Variants in DCP2 observed in about 807,000 individuals in gnomAD.
DCP2 encodes m7GpppN-mRNA hydrolase.
DCP2 carries 30 observed loss-of-function variants against 56.1 expected under a neutral mutation model. The observed-to-expected ratio is 0.53, with a 90% CI of 0.40 to 0.73. The LOEUF (loss-of-function observed/expected upper bound fraction) is 0.73. Ranked by LOEUF, DCP2 falls within the 30% of genes least tolerant of loss-of-function variation. The probability of loss-of-function intolerance (pLI) is 0.00; values close to 1 mark genes in which losing one functional copy is unlikely to be tolerated. For missense variants in DCP2, 533 were observed against 502.7 expected, an observed-to-expected ratio of 1.06 and a Z score of -0.58; for synonymous variants, 197 against 163.3, an observed-to-expected ratio of 1.21 and a Z score of -1.57.
At chr5:112,978,575 A>G (rs1747839675) in intron 1 of DCP2, among the ~76,000 whole-genome samples, 1 of 152,306 alleles carries the variant, frequency 6.6e-6, no homozygotes, top group South Asian at 2.1e-4. Flanking sequence ...TAATTTTGCA[A>G]CTAATACAAA....
intron 8 of DCP2, among the ~76,000 whole-genome samples, chr5:113,007,384 C>G (rs1287304563): frequency 6.9e-6 from 1 of 145,682 alleles, no homozygotes; most frequent in African/African-American, 2.6e-5. Flanking sequence ...AGATTTCTTT[C>G]TTTCTTTCTT....
chr5:113,004,459 C>G (rs958064993), intron 8 of DCP2, among the ~76,000 whole-genome samples: 1 of 152,208 alleles, frequency 6.6e-6, no homozygotes, highest in African/African-American at 2.4e-5. Context: ...TATAATTACA[C>G]TGCTATTAAT....
Position 113,014,785 on chromosome 5 carries a change from G to T in DCP2, c.*1301G>T, listed in dbSNP as rs1294539819. The T allele has an allele frequency of 6.6e-6, 1 of 152,518 alleles. No individual in the cohort carries two copies. The highest frequency in any genetic ancestry group is 1.5e-5 in the Non-Finnish European group (1 of 68,004). 9.4% of individuals were successfully genotyped at this position (152,518 alleles called of 1,614,324 possible). A position where few individuals can be genotyped will look rare whatever the true frequency, so the allele number is the denominator to read the frequency against. ...GTGTGTGTGTGTAACTATCATGTGG[G>T]TTTTAAAAATCCTTTTTTACAGTGG... On this transcript the variant is annotated 3_prime_UTR_variant, in exon 11 of 11. Coordinates refer to ENST00000389063, the MANE Select transcript of DCP2 (RefSeq NM_152624.6).
chr5:112,977,363 C>G (rs992348324), intron 1 of DCP2, among the ~76,000 whole-genome samples: 3 of 152,188 alleles, frequency 2.0e-5, no homozygotes, highest in Admixed American at 2.0e-4. Context: ...GCCGTGCACC[C>G]CCTCCTCCCT....
intron 2 of DCP2, among the ~76,000 whole-genome samples, chr5:112,991,350 G>A (rs1214011338): frequency 2.0e-5 from 3 of 152,104 alleles, no homozygotes; most frequent in Non-Finnish European, 2.9e-5. Flanking sequence ...TGGGGCATTC[G>A]ATAGCATGGA....
At chr5:113,002,832 C>G (rs557861568) in intron 7 of DCP2, among the ~76,000 whole-genome samples, 2 of 152,154 alleles carry the variant, frequency 1.3e-5, no homozygotes, top group Non-Finnish European at 2.9e-5. Flanking sequence ...CTCTGGCTTA[C>G]AACTTAATTG....
chr5:113,016,674 G>A lies in DCP2; in HGVS notation c.*3190G>A, dbSNP rs1381513596. The A allele has an allele frequency of 6.6e-6, 1 of 152,004 alleles. No homozygotes were observed. Among genetic ancestry groups the A allele is most frequent in the African/African-American group, 2.4e-5 (1 of 41,384 alleles). The allele number at this position is 152,004 out of a possible 1,614,324, so 9.4% of individuals were successfully genotyped here. On this transcript the variant is annotated 3_prime_UTR_variant, in exon 11 of 11. Transcript: ENST00000389063. The stretch of plus-strand genomic sequence containing the variant: ...ATATTGTATCCTATAGAAAAGTTAA[G>A]GTCTGAGTGCATGTGTGCATTAAAA...
chr5:113,001,711 T>TAGTTTTTAAA (rs1403276879), intron 7 of DCP2, 37 bp downstream of exon 7: 1 of 1,576,176 alleles, frequency 6.3e-7, no homozygotes, highest in Non-Finnish European at 8.7e-7. Flanking sequence ...GATTTTCTAA[T>TAGTTTTTAAA]AGTTTTTAAA....
At chr5:112,987,006 G>C (rs1236226002) in intron 2 of DCP2, among the ~76,000 whole-genome samples, 2 of 152,088 alleles carry the variant, frequency 1.3e-5, no homozygotes, top group Non-Finnish European at 2.9e-5. Context: ...CCGTCTCAAA[G>C]AGAAAAAAGT....
chr5:113,005,151 G>GGTGGGT (rs1554101206), intron 8 of DCP2, among the ~76,000 whole-genome samples: 9 of 149,420 alleles, frequency 6.0e-5, no homozygotes, highest in Admixed American at 2.0e-4. Context: ...TGTGCGTGTG[G>GGTGGGT]GTGTGTGTGT....
intron 10 of DCP2, 42 bp from the exon 11 acceptor site, chr5:113,013,279 T>C (rs770809820): frequency 1.3e-6 from 2 of 1,571,458 alleles, no homozygotes; most frequent in Non-Finnish European, 1.7e-6. Flanking sequence ...GATTTCTTAC[T>C]AAGGTTACTG....
At position 113,007,591 on chromosome 5, in the gene DCP2, G is replaced by A. The variant is rs141853817; in HGVS notation, c.943-347G>A. ...AAGTTTTTGTATTTTTAGTAGAGACGGGGTTTTGCTGTGTTAGCCAGGATG... is the reference window on the plus strand; with the variant it reads ...AAGTTTTTGTATTTTTAGTAGAGACAGGGTTTTGCTGTGTTAGCCAGGATG... On this transcript the variant is annotated intron_variant, in intron 8 of 10. Coordinates refer to ENST00000389063, the MANE Select transcript of DCP2 (RefSeq NM_152624.6). Among the ~76,000 whole-genome samples, 1,323 of 152,034 alleles carry A rather than the reference G, an allele frequency of 8.7e-3. 27 individuals are homozygous for A. The highest frequency in any genetic ancestry group is 0.031 in the African/African-American group (1,274 of 41,456).
intron 1 of DCP2, among the ~76,000 whole-genome samples, chr5:112,980,599 CA>C (rs1747959281): frequency 6.6e-6 from 1 of 152,162 alleles, no homozygotes. Flanking sequence ...TAAAACAGAT[CA>C]AAAGCATTCA....
intron 1 of DCP2, among the ~76,000 whole-genome samples, chr5:112,985,250 A>C (rs1298307458): frequency 6.6e-6 from 1 of 152,140 alleles, no homozygotes; most frequent in African/African-American, 2.4e-5. Flanking sequence ...ATTAATATAA[A>C]TGTATATTTA....
intron 1 of DCP2, among the ~76,000 whole-genome samples, chr5:112,979,088 C>T (rs1747872091): frequency 6.6e-6 from 1 of 151,974 alleles, no homozygotes; most frequent in African/African-American, 2.4e-5. Context: ...ATGTTAAGCA[C>T]CTGTCAAGTG....
At chr5:112,996,241 G>A (rs557701509) in intron 4 of DCP2, among the ~76,000 whole-genome samples, 1 of 152,294 alleles carries the variant, frequency 6.6e-6, no homozygotes, top group African/African-American at 2.4e-5. Context: ...AAGCTGCACG[G>A]CTTGACCGAG....
chr5:112,993,290 C>T (rs1580809081), intron 4 of DCP2, among the ~76,000 whole-genome samples: 1 of 152,130 alleles, frequency 6.6e-6, no homozygotes. Flanking sequence ...TCAGTCAAAA[C>T]AATTTATTTT....
chr5:112,977,236 T>C (rs917442531), intron 1 of DCP2, among the ~76,000 whole-genome samples: 1 of 152,138 alleles, frequency 6.6e-6, no homozygotes, highest in Non-Finnish European at 1.5e-5. Flanking sequence ...TTTAAGTTAC[T>C]CAACTATTTT....
At chr5:112,998,680 G>A (rs1748977932) in intron 4 of DCP2, among the ~76,000 whole-genome samples, 1 of 152,202 alleles carries the variant, frequency 6.6e-6, no homozygotes, top group African/African-American at 2.4e-5. Flanking sequence ...GAGAAGAATA[G>A]ATTAATTCAA....
Sources: gnomAD v4.1 joint callset for allele counts (sites outside exome capture counted in the v4.1 genomes callset) on GRCh38, gnomAD v4.1.1 for gene constraint, MANE v1.5 for transcripts, NCBI Gene and HGNC (gene_info 2026-07-23, HGNC 2026-07-21) for gene names.